The following PMCH variants were observed in gnomAD, a reference collection of about 807,000 sequenced individuals.
PMCH encodes the protein pro-MCH.
In PMCH, 8 loss-of-function variants were observed where a neutral mutation model predicts 15.9. The observed-to-expected ratio is 0.50, with a 90% CI of 0.29 to 0.91. The LOEUF (loss-of-function observed/expected upper bound fraction) is 0.91. Ranked by LOEUF, PMCH falls within the 40% of genes least tolerant of loss-of-function variation. The probability of loss-of-function intolerance (pLI) is 0.07; values close to 1 mark genes in which losing one functional copy is unlikely to be tolerated. For missense variants in PMCH, 169 were observed against 185.7 expected (o/e 0.91, Z 0.52); for synonymous variants, 73 against 63.8 (o/e 1.14, Z -0.69).
rs779307731 is a variant in PMCH, at chr12:102,197,593, C to T, written c.178G>A (p.Ala60Thr). Residue 60 changes from alanine (A) to threonine (T), a missense_variant, in exon 1 of 3, where the codon GCT (alanine) becomes ACT (threonine). Ala to Thr is a moderately conservative substitution (Grantham distance 58). Transcript: ENST00000329406. The part of the protein sequence containing the change: ...KEDTAEKSVI[A>T]PSLEQYKNDE... ...TTTTTATATTGTTCCAGGGAAGGAG[C>T]AATAACTGATTTTTCTGCAGTGTCT... 6.2e-7 allele frequency: 1 copy of T among 1,611,272 alleles called. No homozygotes were observed. Among genetic ancestry groups the T allele is most frequent in the Admixed American group, 1.7e-5 (1 of 59,882 alleles).
intron 1 of PMCH, 126 bp downstream of exon 1, chr12:102,197,396 C>A: frequency 1.1e-6 from 1 of 905,012 alleles, no homozygotes; most frequent in Non-Finnish European, 1.7e-6. Context: ...GTCAGTCGTC[C>A]TAATGCATAT....
At position 102,197,422 on chromosome 12, in the gene PMCH, A is replaced by G. The variant is rs559489807; in HGVS notation, c.249+100T>C. On this transcript the variant is annotated intron_variant, in intron 1 of 2. Transcript: ENST00000329406. Reference sequence around the variant, plus strand: ...TAATGCATATTGTGACTGTTTGCATATACTTCTGTTTATAAAAGTATCAGT... The same window carrying G: ...TAATGCATATTGTGACTGTTTGCATGTACTTCTGTTTATAAAAGTATCAGT... The G allele has an allele frequency of 5.3e-6, 6 of 1,124,232 alleles. No homozygotes were observed. In the East Asian group the frequency reaches 1.4e-4, roughly 27 times the overall value. 69.6% of individuals were successfully genotyped at this position (1,124,232 alleles called of 1,614,324 possible). A position where few individuals can be genotyped will look rare whatever the true frequency, so the allele number is the denominator to read the frequency against.
rs748708182 is a variant in PMCH, at chr12:102,197,039, C to G, written c.382G>C (p.Glu128Gln). 1 of 1,611,988 alleles carries G rather than the reference C, an allele frequency of 6.2e-7. No individual in the cohort carries two copies. Residue 128 changes from glutamate (E) to glutamine (Q), a missense_variant, in exon 2 of 3, where the codon GAA becomes CAA. Transcript: ENST00000329406. ...TCTTCATCCCCAATTTCTCTCTTTT[C>G]TTGTGTTGATTCAGTATTCTGAACT... ...NGVQNTESTQ[E>Q]KREIGDEENS...
chr12:102,196,963 G>A lies in PMCH; in HGVS notation c.448+10C>T. On this transcript the variant is annotated intron_variant, in intron 2 of 2. Coordinates refer to ENST00000329406, the MANE Select transcript of PMCH (RefSeq NM_002674.4). Reference sequence around the variant, plus strand: ...GGATGTAAGAATTGAATTTTGAAAAGACTACTCACTGTCAAAATCTCTCCT... The same window carrying A: ...GGATGTAAGAATTGAATTTTGAAAAAACTACTCACTGTCAAAATCTCTCCT... 1.3e-6 allele frequency: 2 copies of A among 1,598,084 alleles called. No homozygotes were observed. The highest frequency in any genetic ancestry group is 1.7e-6 in the Non-Finnish European group (2 of 1,166,782).
intron 1 of PMCH, 112 bp from the exon 2 acceptor site, chr12:102,197,283 A>C (rs1368723044): frequency 2.0e-6 from 2 of 980,894 alleles, no homozygotes; most frequent in African/African-American, 1.7e-5. Context: ...ACTGTTTTTG[A>C]CTTTTTAAAA....
Position 102,197,789 on chromosome 12 carries a change from A to C in PMCH, c.-19T>G, listed in dbSNP as rs769544704. 1 of 1,537,010 alleles carries C rather than the reference A, an allele frequency of 6.5e-7. No individual in the cohort carries two copies. The highest frequency in any genetic ancestry group is 1.3e-5 in the South Asian group (1 of 79,590). Reference sequence around the variant, plus strand: ...TTGCCATTCTTAGTTTGATGTTTGCATACAGTCAAACAAGAAAGAAAATGA... The same window carrying C: ...TTGCCATTCTTAGTTTGATGTTTGCCTACAGTCAAACAAGAAAGAAAATGA... On this transcript the variant is annotated 5_prime_UTR_variant, in exon 1 of 3. The change abolishes an upstream ATG in the 5' untranslated region. Coordinates refer to ENST00000329406, the MANE Select transcript of PMCH (RefSeq NM_002674.4).
chr12:102,196,486 G>C lies in PMCH; in HGVS notation c.*166C>G, dbSNP rs1891325703. On this transcript the variant is annotated 3_prime_UTR_variant, in exon 3 of 3. Coordinates refer to ENST00000329406, the MANE Select transcript of PMCH (RefSeq NM_002674.4). The stretch of plus-strand genomic sequence containing the variant: ...ATGCAGAATTTTCACAAAGTTTAAT[G>C]CACAGAGAAAGCATATCATTTCAGT... The C allele has an allele frequency of 6.8e-6, 5 of 736,836 alleles. No individual in the cohort carries two copies. The highest frequency in any genetic ancestry group is 1.2e-5 in the Non-Finnish European group (5 of 423,790). The allele number at this position is 736,836 out of a possible 1,614,324, so 45.6% of individuals were successfully genotyped here.
intron 2 of PMCH, 96 bp from the exon 3 acceptor site, chr12:102,196,797 G>T: frequency 1.8e-6 from 2 of 1,126,060 alleles, no homozygotes; most frequent in South Asian, 1.3e-5. Context: ...AACTAATTCT[G>T]AGTAAACCAA....
At chr12:102,196,815 ATAAT>A in intron 2 of PMCH, 114 bp from the exon 3 acceptor site, 1 of 1,057,684 alleles carries the variant, frequency 9.5e-7, no homozygotes, top group Non-Finnish European at 1.4e-6. Context: ...CAAAATGATA[ATAAT>A]TAATTGTTGC....
At position 102,197,579 on chromosome 12, in the gene PMCH, T is replaced by C. The variant is rs771425625; in HGVS notation, c.192A>G (p.Glu64=). The change falls in exon 1 of 3, where the codon GAA becomes GAG. Residue 64 remains glutamate, a synonymous_variant. Transcript: ENST00000329406. ...AEKSVIAPSL[E]QYKNDESSFM... ...AACTGCTCTCATCATTTTTATATTG[T>C]TCCAGGGAAGGAGCAATAACTGATT... 6.2e-7 allele frequency: 1 copy of C among 1,610,202 alleles called. No homozygotes were observed. Among genetic ancestry groups the C allele is most frequent in the Non-Finnish European group, 8.5e-7 (1 of 1,177,018 alleles).
intron 1 of PMCH, 45 bp from the exon 2 acceptor site, chr12:102,197,216 G>T: frequency 7.3e-7 from 1 of 1,375,652 alleles, no homozygotes; most frequent in Non-Finnish European, 1.0e-6. Context: ...CGTATTCGGA[G>T]TGGAACTATA....
Position 102,197,744 on chromosome 12 carries a change from A to G in PMCH, c.27T>C (p.Tyr9=). The G allele has an allele frequency of 6.3e-7, 1 of 1,590,064 alleles. No homozygotes were observed. Among genetic ancestry groups the G allele is most frequent in the South Asian group, 1.1e-5 (1 of 87,268 alleles). MAKMNLSS[Y]ILILTFSLFS... is the part of the protein sequence containing the mutation. ...ACAAAGAAAAAGTTAGTATTAATATATAGGAAGAGAGATTCATTTTTGCCA... is the reference window on the plus strand; with the variant it reads ...ACAAAGAAAAAGTTAGTATTAATATGTAGGAAGAGAGATTCATTTTTGCCA... The change falls in exon 1 of 3, where the codon TAT becomes TAC. Residue 9 remains tyrosine, a synonymous_variant. Transcript: ENST00000329406.
intron 1 of PMCH, 100 bp from the exon 2 acceptor site, chr12:102,197,271 G>A (rs1891395576): frequency 2.9e-6 from 3 of 1,045,096 alleles, no homozygotes; most frequent in South Asian, 3.1e-5. Flanking sequence ...AAGTTACTCT[G>A]CACTGTTTTT....
chr12:102,197,240 ATAT>A, intron 1 of PMCH, 69 bp from the exon 2 acceptor site: 1 of 1,228,674 alleles, frequency 8.1e-7, no homozygotes, highest in Non-Finnish European at 1.2e-6. Context: ...CAATTGTATA[ATAT>A]TCTTGTTGAT....
Position 102,196,562 on chromosome 12 carries a change from A to C in PMCH, c.*90T>G. On this transcript the variant is annotated 3_prime_UTR_variant, in exon 3 of 3. Coordinates refer to ENST00000329406, the MANE Select transcript of PMCH (RefSeq NM_002674.4). ...CTTTTAAAACAGACATTTAACATAC[A>C]CAAGTTATAGTAGCAGTATGGGCTT... 1.1e-6 allele frequency: 1 copy of C among 927,426 alleles called. No homozygotes were observed. Among genetic ancestry groups the C allele is most frequent in the South Asian group, 1.3e-5 (1 of 74,956 alleles). The allele number at this position is 927,426 out of a possible 1,614,324, so 57.4% of individuals were successfully genotyped here. A position where few individuals can be genotyped will look rare whatever the true frequency, so the allele number is the denominator to read the frequency against.
rs1891425641 is a variant in PMCH, at chr12:102,197,575, A to G, written c.196T>C (p.Tyr66His). 3.1e-6 allele frequency: 5 copies of G among 1,611,384 alleles called. No individual in the cohort carries two copies. Among genetic ancestry groups the G allele is most frequent in the Non-Finnish European group, 4.2e-6 (5 of 1,178,244 alleles). The change falls in exon 1 of 3, where the codon TAT (tyrosine) becomes CAT (histidine). Residue 66 changes from tyrosine (Y) to histidine (H), a missense_variant. Physicochemically the swap from Tyr to His is moderately conservative, Grantham distance 83 (BLOSUM62 2). Transcript: ENST00000329406. The part of the protein sequence containing the change: ...KSVIAPSLEQ[Y>H]KNDESSFMNE... Reference sequence around the variant, plus strand: ...ATGAAACTGCTCTCATCATTTTTATATTGTTCCAGGGAAGGAGCAATAACT... The same window carrying G: ...ATGAAACTGCTCTCATCATTTTTATGTTGTTCCAGGGAAGGAGCAATAACT...
intron 1 of PMCH, 62 bp from the exon 2 acceptor site, chr12:102,197,233 TTGTA>T: frequency 8.0e-7 from 1 of 1,255,556 alleles, no homozygotes; most frequent in Non-Finnish European, 1.1e-6. Flanking sequence ...TATAATACAA[TTGTA>T]TAATATTCTT....
intron 1 of PMCH, 26 bp downstream of exon 1, chr12:102,197,496 A>G (rs761908382): frequency 1.9e-6 from 3 of 1,566,320 alleles, no homozygotes; most frequent in Non-Finnish European, 2.6e-6. Flanking sequence ...TCATTGAAAT[A>G]AACGACAAGT....
intron 1 of PMCH, 129 bp downstream of exon 1, chr12:102,197,393 G>T: frequency 1.1e-6 from 1 of 893,028 alleles, no homozygotes; most frequent in Non-Finnish European, 1.7e-6. Flanking sequence ...ATCGTCAGTC[G>T]TCCTAATGCA....
Sources: allele counts gnomAD v4.1 joint callset, GRCh38; gene constraint gnomAD v4.1.1; transcripts MANE v1.5; gene names NCBI Gene and HGNC (gene_info 2026-07-23, HGNC 2026-07-21).